Variants in MRPS28 observed in about 807,000 individuals in gnomAD.
MRPS28 encodes small ribosomal subunit protein bS1m.
A neutral mutation model predicts 10.8 loss-of-function variants in MRPS28; 7 were observed. That is an observed-to-expected ratio of 0.65 (90% CI 0.37 to 1.22). The LOEUF is 1.22. MRPS28 is among the 50% of genes most tolerant of loss of function. The pLI is 0.02. For synonymous variants in MRPS28, 121 were observed against 93.3 expected (o/e 1.30, Z -1.71); for missense variants, 265 against 232.9 (o/e 1.14, Z -0.90).
Position 79,975,868 on chromosome 8 carries a change from AC to A in MRPS28, c.395+27130del, listed in dbSNP as rs1394282279. 2.6e-5 allele frequency among the ~76,000 whole-genome samples: 4 copies of A among 152,224 alleles called. No individual in the cohort carries two copies. The East Asian group carries it at 7.7e-4, about 29-fold the overall frequency. ...CAGATAGTTATACCAAAATCTATAT[AC>A]AGATAAAAATAATAAAAACTGAAAA... On this transcript the variant is annotated intron_variant, in intron 2 of 2. Transcript: ENST00000276585.
At chr8:79,953,833 T>C (rs1807138845) in intron 2 of MRPS28, among the ~76,000 whole-genome samples, 1 of 152,178 alleles carries the variant, frequency 6.6e-6, no homozygotes, top group South Asian at 2.1e-4. Context: ...ATGCTACAAG[T>C]GAATCTTTTT....
intron 2 of MRPS28, among the ~76,000 whole-genome samples, chr8:79,981,908 G>C (rs938404505): frequency 1.3e-5 from 2 of 152,178 alleles, no homozygotes; most frequent in African/African-American, 4.8e-5. Flanking sequence ...TATCTAATTT[G>C]CATTTTTCTA....
intron 2 of MRPS28, among the ~76,000 whole-genome samples, chr8:79,985,292 T>C (rs1808120284): frequency 6.6e-6 from 1 of 152,088 alleles, no homozygotes; most frequent in East Asian, 1.9e-4. Context: ...AGAGGGAAAT[T>C]TATAGCACTA....
intron 2 of MRPS28, among the ~76,000 whole-genome samples, chr8:79,927,157 TAAAG>T (rs1265712228): frequency 6.6e-6 from 1 of 152,220 alleles, no homozygotes; most frequent in Non-Finnish European, 1.5e-5. Flanking sequence ...TTATGAAAAT[TAAAG>T]AGATTAACAG....
intron 2 of MRPS28, among the ~76,000 whole-genome samples, chr8:79,965,753 G>A (rs996556820): frequency 2.0e-5 from 3 of 152,008 alleles, no homozygotes; most frequent in Non-Finnish European, 4.4e-5. Context: ...GAGAGTAGAT[G>A]CTTTAAGCAT....
chr8:79,950,708 G>A (rs1807058105), intron 2 of MRPS28, among the ~76,000 whole-genome samples: 1 of 152,310 alleles, frequency 6.6e-6, no homozygotes, highest in Admixed American at 6.5e-5. Context: ...TTGAGTTTCA[G>A]AGCTTTACTT....
At position 79,980,760 on chromosome 8, in the gene MRPS28, T is replaced by C. The variant is rs529463273; in HGVS notation, c.395+22239A>G. ...ACTCTGCAAGGCACTATGCCGGACA[T>C]TTAAAAATTATTTTCTCCAAAATAT... On this transcript the variant is annotated intron_variant, in intron 2 of 2. Coordinates refer to ENST00000276585, the MANE Select transcript of MRPS28 (RefSeq NM_014018.3). Among the ~76,000 whole-genome samples, 21 of 152,330 alleles carry C rather than the reference T, an allele frequency of 1.4e-4. No individual in the cohort carries two copies. In the South Asian group the frequency reaches 4.1e-3, roughly 30 times the overall value.
At chr8:79,986,101 G>A (rs959901958) in intron 2 of MRPS28, among the ~76,000 whole-genome samples, 8 of 152,164 alleles carry the variant, frequency 5.3e-5, no homozygotes, top group African/African-American at 1.9e-4. Context: ...CTTCATTCCT[G>A]GGATGCAAGG....
At chr8:79,928,480 C>T (rs889935402) in intron 2 of MRPS28, among the ~76,000 whole-genome samples, 2 of 152,184 alleles carry the variant, frequency 1.3e-5, no homozygotes, top group Admixed American at 6.5e-5. Context: ...GTCTCTGTCA[C>T]TCAGACTGGA....
At chr8:79,962,070 A>G (rs911226074) in intron 2 of MRPS28, among the ~76,000 whole-genome samples, 3 of 152,036 alleles carry the variant, frequency 2.0e-5, no homozygotes, top group East Asian at 3.8e-4. Flanking sequence ...TTAATACTTA[A>G]TTTTTTATCT....
intron 2 of MRPS28, among the ~76,000 whole-genome samples, chr8:79,966,491 T>C (rs1807506722): frequency 1.3e-5 from 2 of 151,872 alleles, no homozygotes. Context: ...AAAACTGGAG[T>C]CACTTTCTCT....
chr8:80,005,311 AAG>A (rs1465961343), intron 1 of MRPS28, among the ~76,000 whole-genome samples: 3 of 152,206 alleles, frequency 2.0e-5, no homozygotes, highest in Admixed American at 1.3e-4. Flanking sequence ...TACAAGCCAG[AAG>A]AGAGTGGGGG....
At chr8:79,986,907 C>G (rs966477826) in intron 2 of MRPS28, among the ~76,000 whole-genome samples, 3 of 152,156 alleles carry the variant, frequency 2.0e-5, no homozygotes, top group Non-Finnish European at 4.4e-5. Context: ...ACTTTCTTCA[C>G]AGAATTGGAA....
At chr8:80,020,138 G>A (rs1809314852) in intron 1 of MRPS28, among the ~76,000 whole-genome samples, 1 of 152,226 alleles carries the variant, frequency 6.6e-6, no homozygotes, top group Non-Finnish European at 1.5e-5. Flanking sequence ...GCAATTGGTT[G>A]AAAGGGTTAT....
chr8:79,948,290 T>G (rs962598280), intron 2 of MRPS28, among the ~76,000 whole-genome samples: 1 of 152,104 alleles, frequency 6.6e-6, no homozygotes, highest in African/African-American at 2.4e-5. Flanking sequence ...CCCAGCCAAA[T>G]TTTTCAGTTT....
chr8:79,986,764 C>T (rs60948427), intron 2 of MRPS28, among the ~76,000 whole-genome samples: 2,156 of 149,066 alleles, frequency 0.014, 44 homozygotes, highest in African/African-American at 0.051. Context: ...CACTGCTCAA[C>T]GAAATAAAAG....
intron 1 of MRPS28, among the ~76,000 whole-genome samples, chr8:80,029,548 A>G (rs79254087): frequency 1.1e-3 from 166 of 152,346 alleles, no homozygotes; most frequent in African/African-American, 3.9e-3. Flanking sequence ...AAGTTAAATC[A>G]CTTGCCCAAG....
At chr8:79,933,137 G>A (rs917873922) in intron 2 of MRPS28, among the ~76,000 whole-genome samples, 3 of 152,138 alleles carry the variant, frequency 2.0e-5, no homozygotes, top group African/African-American at 4.8e-5. Context: ...GTTTGCTTGG[G>A]CTGCTATAAC....
intron 2 of MRPS28, among the ~76,000 whole-genome samples, chr8:79,926,004 A>G (rs1468576211): frequency 6.6e-6 from 1 of 151,930 alleles, no homozygotes; most frequent in Non-Finnish European, 1.5e-5. Flanking sequence ...AAAGAAAAAA[A>G]AAAAAGAAAA....
Sources: gnomAD v4.1 joint callset for allele counts (sites outside exome capture counted in the v4.1 genomes callset) on GRCh38, gnomAD v4.1.1 for gene constraint, MANE v1.5 for transcripts, NCBI Gene and HGNC (gene_info 2026-07-23, HGNC 2026-07-21) for gene names.